The following BLTP1 variants were observed in gnomAD, a reference collection of about 807,000 sequenced individuals.
BLTP1 encodes fragile site-associated protein.
the BLTP1 span, among the ~76,000 whole-genome samples, chr4:122,288,458 A>T: frequency 3.3e-5 from 5 of 152,018 alleles, no homozygotes; most frequent in African/African-American, 1.2e-4. Context: ...AAGTGGGCGG[A>T]TCGCTTGAGG....
the BLTP1 span, among the ~76,000 whole-genome samples, chr4:122,269,937 T>C: frequency 4.0e-3 from 602 of 152,200 alleles, 2 homozygotes; most frequent in South Asian, 0.025. Flanking sequence ...GGTATACCAT[T>C]TTCTTTTTCT....
At chr4:122,221,824 A>G in the BLTP1 span, 5 of 984,678 alleles carry the variant, frequency 5.1e-6, no homozygotes, top group African/African-American at 1.7e-5. Flanking sequence ...AAAGTCTTCT[A>G]TGGATGAGTT....
the BLTP1 span, among the ~76,000 whole-genome samples, chr4:122,358,174 G>GA: frequency 6.6e-6 from 1 of 151,942 alleles, no homozygotes; most frequent in Non-Finnish European, 1.5e-5. Flanking sequence ...ACTTAATGTA[G>GA]AAAAAAACAG....
chr4:122,277,014 GT>G, the BLTP1 span: 5 of 983,606 alleles, frequency 5.1e-6, no homozygotes, highest in Non-Finnish European at 6.0e-6. Context: ...TATGAAATAT[GT>G]ATTTTGTGTA....
At chr4:122,300,451 G>A in the BLTP1 span, among the ~76,000 whole-genome samples, 2 of 151,632 alleles carry the variant, frequency 1.3e-5, no homozygotes, top group African/African-American at 2.4e-5. Context: ...CTTTTTTGGG[G>A]GGCCAAGTTA....
the BLTP1 span, chr4:122,347,891 T>G: frequency 1.6e-6 from 1 of 645,046 alleles, no homozygotes; most frequent in African/African-American, 2.0e-5. Flanking sequence ...GAGGTTTTTA[T>G]GACACGTCAA....
chr4:122,356,593 T>C, the BLTP1 span: 1 of 1,602,872 alleles, frequency 6.2e-7, no homozygotes, highest in Non-Finnish European at 8.5e-7. Context: ...TGACTCATTT[T>C]ATTAAATCTT....
the BLTP1 span, among the ~76,000 whole-genome samples, chr4:122,215,138 A>G: frequency 1.3e-5 from 2 of 152,216 alleles, no homozygotes; most frequent in Non-Finnish European, 2.9e-5. Context: ...TCACTGACAC[A>G]TTTAATAAAA....
the BLTP1 span, among the ~76,000 whole-genome samples, chr4:122,295,191 A>G: frequency 6.6e-6 from 1 of 152,220 alleles, no homozygotes; most frequent in African/African-American, 2.4e-5. Flanking sequence ...AACATACTTC[A>G]GGATATCATC....
At chr4:122,336,352 A>C in the BLTP1 span, 1 of 1,589,926 alleles carries the variant, frequency 6.3e-7, no homozygotes, top group Non-Finnish European at 8.6e-7. Context: ...GGAATTATAC[A>C]GGTAAGCATC....
the BLTP1 span, chr4:122,306,444 C>A: frequency 2.5e-6 from 1 of 396,338 alleles, no homozygotes; most frequent in Non-Finnish European, 3.4e-6. Context: ...ACCTGTCAGT[C>A]CAGTGGAAAA....
chr4:122,313,982 G>A, the BLTP1 span: 24 of 912,376 alleles, frequency 2.6e-5, no homozygotes, highest in Non-Finnish European at 2.7e-5. Flanking sequence ...TGTAGTTAAG[G>A]CACATGTACA....
chr4:122,179,051 G>A, the BLTP1 span, among the ~76,000 whole-genome samples: 3 of 152,090 alleles, frequency 2.0e-5, no homozygotes, highest in Admixed American at 6.5e-5. Context: ...GGCTGAGGTG[G>A]GAGGATTGCT....
At chr4:122,227,967 G>A in the BLTP1 span, among the ~76,000 whole-genome samples, 12 of 149,020 alleles carry the variant, frequency 8.1e-5, no homozygotes, top group Non-Finnish European at 1.3e-4. Context: ...AGGCTGGAGT[G>A]CAGTGGCGCC....
the BLTP1 span, chr4:122,334,452 A>C: frequency 6.2e-7 from 1 of 1,612,868 alleles, no homozygotes; most frequent in Non-Finnish European, 8.5e-7. Flanking sequence ...TATGAAAGAT[A>C]GTGCAACATC....
chr4:122,271,449 G>A, the BLTP1 span: 1 of 1,613,490 alleles, frequency 6.2e-7, no homozygotes, highest in Non-Finnish European at 8.5e-7. Context: ...AAGAACAAAC[G>A]GACCAACAAT....
the BLTP1 span, chr4:122,214,344 C>G: frequency 1.1e-6 from 1 of 927,662 alleles, no homozygotes; most frequent in Admixed American, 6.2e-5. Flanking sequence ...TTCATAAATT[C>G]AAGCATAATG....
the BLTP1 span, chr4:122,237,399 T>C: frequency 2.1e-6 from 2 of 969,356 alleles, no homozygotes; most frequent in Non-Finnish European, 2.5e-6. Flanking sequence ...TAAAATCATG[T>C]ATTGAGTGCC....
chr4:122,263,372 G>A, the BLTP1 span: 2 of 1,453,346 alleles, frequency 1.4e-6, no homozygotes, highest in Non-Finnish European at 1.8e-6. Flanking sequence ...TCAAATATAG[G>A]TATATAAATT....
Sources: gnomAD v4.1 joint callset for allele counts (sites outside exome capture counted in the v4.1 genomes callset) on GRCh38, gnomAD v4.1.1 for gene constraint, MANE v1.5 for transcripts, NCBI Gene and HGNC (gene_info 2026-07-23, HGNC 2026-07-21) for gene names.